Variants in RSU1 observed in about 807,000 individuals in gnomAD.
RSU1 encodes Ras suppressor protein 1, also known as rsu-1.
In RSU1, 26 loss-of-function variants were observed where a neutral mutation model predicts 31.1. The observed-to-expected ratio is 0.84, with a 90% CI of 0.61 to 1.16. The LOEUF (loss-of-function observed/expected upper bound fraction) is 1.16, where lower values mean the gene tolerates loss of function less well. Among genes scored for constraint, RSU1 ranks in the 50% most tolerant of loss-of-function variants. RSU1 has a pLI of 0.00. For missense variants in RSU1, 320 were observed against 339.1 expected (o/e 0.94, Z 0.44); for synonymous variants, 164 against 136.3 (o/e 1.20, Z -1.41).
At chr10:16,678,358 A>G (rs1222617094) in intron 8 of RSU1, among the ~76,000 whole-genome samples, 2 of 152,254 alleles carry the variant, frequency 1.3e-5, no homozygotes, top group Non-Finnish European at 2.9e-5. Flanking sequence ...AGATTTCACA[A>G]TGCTTCAGCC....
intron 8 of RSU1, among the ~76,000 whole-genome samples, chr10:16,599,547 T>C (rs1833681212): frequency 6.6e-6 from 1 of 152,208 alleles, no homozygotes; most frequent in Non-Finnish European, 1.5e-5. Context: ...CTGAACGATG[T>C]GTGCCCTGGG....
intron 8 of RSU1, among the ~76,000 whole-genome samples, chr10:16,690,804 T>C (rs1835533867): frequency 6.6e-6 from 1 of 152,092 alleles, no homozygotes; most frequent in Admixed American, 6.6e-5. Flanking sequence ...ATTTAGGTAA[T>C]GGGTTAACTG....
At chr10:16,691,586 C>A (rs1266376867) in intron 8 of RSU1, among the ~76,000 whole-genome samples, 1 of 151,922 alleles carries the variant, frequency 6.6e-6, no homozygotes, top group Non-Finnish European at 1.5e-5. Flanking sequence ...AGGCCCCTGC[C>A]CTAGCATAGC....
chr10:16,812,072 C>G (rs1236687349), intron 2 of RSU1, among the ~76,000 whole-genome samples: 3 of 152,174 alleles, frequency 2.0e-5, no homozygotes, highest in Non-Finnish European at 4.4e-5. Flanking sequence ...ACGAAAAGGG[C>G]TCCCCAGGCC....
chr10:16,779,791 G>A (rs141226886), intron 3 of RSU1, among the ~76,000 whole-genome samples: 83 of 152,198 alleles, frequency 5.5e-4, no homozygotes, highest in African/African-American at 1.9e-3. Flanking sequence ...TCCATCAAAT[G>A]GACATATTTA....
chr10:16,710,564 G>A (rs534473201), intron 7 of RSU1, among the ~76,000 whole-genome samples: 1 of 152,146 alleles, frequency 6.6e-6, no homozygotes, highest in Non-Finnish European at 1.5e-5. Flanking sequence ...TTCTGGAATA[G>A]TTTGAGGAGA....
chr10:16,628,310 G>C (rs1380361317), intron 8 of RSU1, among the ~76,000 whole-genome samples: 1 of 152,190 alleles, frequency 6.6e-6, no homozygotes, highest in Non-Finnish European at 1.5e-5. Flanking sequence ...TAAAATCAAA[G>C]ACTATGTCAT....
At chr10:16,755,085 A>C (rs2131622370) in intron 4 of RSU1, 96 bp from the exon 5 acceptor site, 1 of 689,134 alleles carries the variant, frequency 1.5e-6, no homozygotes, top group African/African-American at 1.8e-5. Context: ...AAAGTGTAAG[A>C]CAGTGCCATG....
intron 2 of RSU1, among the ~76,000 whole-genome samples, chr10:16,796,989 C>T (rs553045870): frequency 2.0e-5 from 3 of 152,288 alleles, no homozygotes; most frequent in African/African-American, 7.2e-5. Flanking sequence ...TGAGAACCCC[C>T]GAATAGCTAA....
At chr10:16,692,215 T>C (rs1430001358) in intron 8 of RSU1, among the ~76,000 whole-genome samples, 1 of 152,198 alleles carries the variant, frequency 6.6e-6, no homozygotes, top group Non-Finnish European at 1.5e-5. Context: ...ATACCAATTA[T>C]GTTATAGATA....
chr10:16,655,141 A>G (rs992642154), intron 8 of RSU1, among the ~76,000 whole-genome samples: 2 of 152,020 alleles, frequency 1.3e-5, no homozygotes, highest in African/African-American at 4.8e-5. Context: ...CAATCTAATA[A>G]TTAGTCAATA....
intron 2 of RSU1, among the ~76,000 whole-genome samples, chr10:16,799,730 A>C (rs1313789729): frequency 1.3e-5 from 2 of 152,340 alleles, no homozygotes; most frequent in East Asian, 3.9e-4. Flanking sequence ...GAAATGATTT[A>C]GCAGAGCCTA....
chr10:16,625,580 C>T (rs1285865022), intron 8 of RSU1, among the ~76,000 whole-genome samples: 3 of 152,210 alleles, frequency 2.0e-5, no homozygotes, highest in African/African-American at 4.8e-5. Context: ...CTTCAAGGCC[C>T]TGAAACAGGC....
chr10:16,668,258 TTGA>T (rs1835037798), intron 8 of RSU1, among the ~76,000 whole-genome samples: 1 of 152,156 alleles, frequency 6.6e-6, no homozygotes, highest in South Asian at 2.1e-4. Context: ...TTATTTGACC[TTGA>T]TGAGATGTGG....
At chr10:16,629,223 A>G (rs1048085236) in intron 8 of RSU1, among the ~76,000 whole-genome samples, 9 of 152,108 alleles carry the variant, frequency 5.9e-5, no homozygotes, top group African/African-American at 1.4e-4. Context: ...CAGACTCTGC[A>G]TTTCTGACAA....
At chr10:16,683,603 T>C (rs1377146182) in intron 8 of RSU1, among the ~76,000 whole-genome samples, 2 of 152,198 alleles carry the variant, frequency 1.3e-5, no homozygotes, top group African/African-American at 4.8e-5. Flanking sequence ...TACTTTTTTG[T>C]TGAAGTCCTA....
At chr10:16,696,347 C>G (rs1011603088) in intron 7 of RSU1, among the ~76,000 whole-genome samples, 3 of 152,136 alleles carry the variant, frequency 2.0e-5, no homozygotes, top group Admixed American at 2.0e-4. Context: ...CATTGCCTAG[C>G]TGATCTGAGC....
rs182285445 is a variant in RSU1 at position 16,671,192 on chromosome 10, C to A, written c.731+23831G>T. ...AAAGACATGGAATCAACCTAGGTGC[C>A]CATCAATGGTGGGCTGGATTAAGAA... On this transcript the variant is annotated intron_variant, in intron 8 of 8. Coordinates refer to ENST00000345264, the MANE Select transcript of RSU1 (RefSeq NM_012425.4). Among the ~76,000 whole-genome samples the A allele has an allele frequency of 5.9e-5, 9 of 152,240 alleles. No individual in the cohort carries two copies. In the East Asian group the frequency reaches 1.7e-3, roughly 29 times the overall value.
chr10:16,619,018 G>T (rs1456260747), intron 8 of RSU1, among the ~76,000 whole-genome samples: 2 of 152,134 alleles, frequency 1.3e-5, no homozygotes, highest in African/African-American at 4.8e-5. Flanking sequence ...CATTCCACCT[G>T]CTACCTAATA....
Sources: gnomAD v4.1 joint callset for allele counts (sites outside exome capture counted in the v4.1 genomes callset) on GRCh38, gnomAD v4.1.1 for gene constraint, MANE v1.5 for transcripts, NCBI Gene and HGNC (gene_info 2026-07-23, HGNC 2026-07-21) for gene names.